The following GRID2 variants were observed in gnomAD, a reference collection of about 807,000 sequenced individuals.
The protein encoded by GRID2 is glutamate ionotropic receptor delta type subunit 2, also known as glutamate receptor ionotropic, delta-2.
In GRID2, 33 loss-of-function variants were observed where a neutral mutation model predicts 114.8. That is an observed-to-expected ratio of 0.29 (90% confidence interval 0.22 to 0.38). The LOEUF is 0.38. Ranked by LOEUF, GRID2 falls within the 10% of genes least tolerant of loss-of-function variation. GRID2 has a pLI of 1.00. For missense variants in GRID2, 1,184 were observed against 1,257.7 expected, an observed-to-expected ratio of 0.94 and a Z score of 0.89; for synonymous variants, 505 against 449.9, an observed-to-expected ratio of 1.12 and a Z score of -1.55.
intron 2 of GRID2, among the ~76,000 whole-genome samples, chr4:92,831,371 AT>A (rs1742087651): frequency 6.6e-6 from 1 of 152,162 alleles, no homozygotes; most frequent in Admixed American, 6.6e-5. Flanking sequence ...TGACAATGAG[AT>A]TAAAAAGGTA....
intron 14 of GRID2, among the ~76,000 whole-genome samples, chr4:93,658,228 G>A (rs909535374): frequency 6.6e-6 from 1 of 152,122 alleles, no homozygotes; most frequent in African/African-American, 2.4e-5. Context: ...TAGCTGGTAG[G>A]TAATTGAAAT....
intron 14 of GRID2, 47 bp from the exon 15 acceptor site, chr4:93,769,163 C>T (rs926122662): frequency 1.7e-5 from 27 of 1,599,616 alleles, no homozygotes; most frequent in Middle Eastern, 1.7e-4. Context: ...TGAACCAGGG[C>T]GATAACTATG....
At chr4:92,921,493 C>A (rs1002474088) in intron 2 of GRID2, among the ~76,000 whole-genome samples, 1 of 152,086 alleles carries the variant, frequency 6.6e-6, no homozygotes, top group Non-Finnish European at 1.5e-5. Context: ...TACCTTTGGT[C>A]TTTGATCATG....
At chr4:93,425,242 A>T (rs1006401120) in intron 10 of GRID2, among the ~76,000 whole-genome samples, 1 of 152,102 alleles carries the variant, frequency 6.6e-6, no homozygotes, top group Non-Finnish European at 1.5e-5. Context: ...AAGACTTGGG[A>T]TTATGTCTCT....
chr4:92,377,680 G>A (rs1201731162), intron 1 of GRID2, among the ~76,000 whole-genome samples: 1 of 152,134 alleles, frequency 6.6e-6, no homozygotes, highest in African/African-American at 2.4e-5. Flanking sequence ...CATGGTTGGG[G>A]AGGCCTCACA....
intron 2 of GRID2, among the ~76,000 whole-genome samples, chr4:93,005,411 T>C (rs1216631706): frequency 2.0e-5 from 3 of 152,062 alleles, no homozygotes; most frequent in Non-Finnish European, 4.4e-5. Context: ...ATCTTTGTAG[T>C]ATGTCACTTA....
At chr4:93,381,122 GATA>G (rs1466587873) in intron 8 of GRID2, among the ~76,000 whole-genome samples, 4 of 152,004 alleles carry the variant, frequency 2.6e-5, no homozygotes, top group African/African-American at 9.7e-5. Flanking sequence ...ACAGTTCAAT[GATA>G]ATAAGTACAT....
At chr4:92,652,921 CATATAA>C (rs1732029926) in intron 2 of GRID2, among the ~76,000 whole-genome samples, 1 of 121,808 alleles carries the variant, frequency 8.2e-6, no homozygotes, top group Admixed American at 8.3e-5. Flanking sequence ...TTTATAAATA[CATATAA>C]ATATATATAA....
chr4:92,844,135 A>G (rs561735142), intron 2 of GRID2, among the ~76,000 whole-genome samples: 1 of 152,262 alleles, frequency 6.6e-6, no homozygotes, highest in East Asian at 1.9e-4. Flanking sequence ...ATTAAATTCA[A>G]CAAGGAGTAT....
chr4:92,514,921 G>A (rs1484744245), intron 1 of GRID2, among the ~76,000 whole-genome samples: 1 of 151,816 alleles, frequency 6.6e-6, no homozygotes, highest in Non-Finnish European at 1.5e-5. Context: ...GATATTAGAG[G>A]TTGTGGCTCA....
chr4:92,922,246 C>A (rs1203914551), intron 2 of GRID2, among the ~76,000 whole-genome samples: 1 of 152,170 alleles, frequency 6.6e-6, no homozygotes, highest in Non-Finnish European at 1.5e-5. Context: ...GCCATCGTCA[C>A]CCCTTTCTTT....
At chr4:92,459,956 AGCCTGCTG>A (rs1481961825) in intron 1 of GRID2, among the ~76,000 whole-genome samples, 1 of 145,970 alleles carries the variant, frequency 6.9e-6, no homozygotes, top group South Asian at 2.2e-4. Context: ...CTGGGTCTCC[AGCCTGCTG>A]GCCTGCCCTG....
chr4:93,196,537 A>G lies in GRID2; in HGVS notation c.736-10867A>G, dbSNP rs189035989. ...CCCCATGTAATACTGGAAAAGTCCA[A>G]GGATAACAGAAATATTGAACTAGGA... is the stretch of plus-strand genomic sequence containing the variant. On this transcript the variant is annotated intron_variant, in intron 4 of 15. Coordinates refer to ENST00000282020, the MANE Select transcript of GRID2 (RefSeq NM_001510.4). Among the ~76,000 whole-genome samples, 506 of 152,292 alleles carry G rather than the reference A, an allele frequency of 3.3e-3. 3 individuals are homozygous for G. The highest frequency in any genetic ancestry group is 4.7e-3 in the Non-Finnish European group (318 of 68,004).
chr4:93,638,182 T>G (rs140504184), intron 14 of GRID2, among the ~76,000 whole-genome samples: 1 of 152,252 alleles, frequency 6.6e-6, no homozygotes, highest in Non-Finnish European at 1.5e-5. Flanking sequence ...TCCATTCTGC[T>G]TCTGTCATTT....
chr4:92,652,105 T>A (rs1731962722), intron 2 of GRID2, among the ~76,000 whole-genome samples: 1 of 152,048 alleles, frequency 6.6e-6, no homozygotes, highest in Non-Finnish European at 1.5e-5. Flanking sequence ...TGCACAACTT[T>A]ATGGTGTGGT....
chr4:92,597,567 C>T (rs1342057559), intron 2 of GRID2, among the ~76,000 whole-genome samples: 3 of 152,190 alleles, frequency 2.0e-5, no homozygotes, highest in Non-Finnish European at 4.4e-5. Flanking sequence ...TCTTTAGCAG[C>T]GTTCTGTGAA....
chr4:93,273,294 A>G (rs1751695294), intron 8 of GRID2, among the ~76,000 whole-genome samples: 1 of 152,230 alleles, frequency 6.6e-6, no homozygotes, highest in South Asian at 2.1e-4. Context: ...CTTCTAAGGT[A>G]TCCCAGATCT....
chr4:92,406,594 G>T (rs1325976656), intron 1 of GRID2, among the ~76,000 whole-genome samples: 1 of 151,780 alleles, frequency 6.6e-6, no homozygotes, highest in Non-Finnish European at 1.5e-5. Context: ...ATGCAAGTTT[G>T]TTACATGGGT....
chr4:93,359,596 C>A (rs576651087), intron 8 of GRID2, among the ~76,000 whole-genome samples: 4 of 151,370 alleles, frequency 2.6e-5, no homozygotes, highest in Non-Finnish European at 5.9e-5. Context: ...TGGTAACCAT[C>A]CTTCTCTCTC....
Sources: gnomAD v4.1 joint callset for allele counts (sites outside exome capture counted in the v4.1 genomes callset) on GRCh38, gnomAD v4.1.1 for gene constraint, MANE v1.5 for transcripts, NCBI Gene and HGNC (gene_info 2026-07-23, HGNC 2026-07-21) for gene names.